HERC1: variants seen among roughly 807,000 people sequenced by gnomAD.
HERC1 encodes the protein probable E3 ubiquitin-protein ligase HERC1.
In HERC1, 160 loss-of-function variants were observed where a neutral mutation model predicts 554.3. The ratio of observed to expected loss-of-function variants is 0.29; its 90% CI spans 0.25 to 0.33. The LOEUF (loss-of-function observed/expected upper bound fraction) is 0.33, where lower values mean the gene tolerates loss of function less well. HERC1 is among the 10% of genes least tolerant of loss of function. HERC1 has a pLI of 1.00. For synonymous variants in HERC1, 2,175 were observed against 2,131.7 expected (o/e 1.02, Z -0.56); for missense variants, 4,919 against 5,918.5 (o/e 0.83, Z 5.54).
intron 34 of HERC1, among the ~76,000 whole-genome samples, chr15:63,683,473 C>A (rs115201011): frequency 1.3e-5 from 2 of 152,118 alleles, no homozygotes; most frequent in African/African-American, 4.8e-5. Context: ...CAGTGGCTAA[C>A]GAGTTCTTAT....
At chr15:63,806,165 GTTTTT>G (rs370838548) in intron 1 of HERC1, among the ~76,000 whole-genome samples, 1 of 145,328 alleles carries the variant, frequency 6.9e-6, no homozygotes, top group Admixed American at 6.9e-5. Context: ...AACACAAGTG[GTTTTT>G]TTTTTTTCTC....
At position 63,680,054 on chromosome 15, in the gene HERC1, A is replaced by G; in HGVS notation, c.6549+23T>C. On this transcript the variant is annotated intron_variant, in intron 36 of 77. Coordinates refer to ENST00000443617, the MANE Select transcript of HERC1 (RefSeq NM_003922.4). This position sits in a 1 kb window ranked among gnomAD's most constrained non-coding sequence, Gnocchi z 5.8. ...ACAATAAAATAACAAATATTCTTAA[A>G]TAAAGGTTTGAGACTTCATTACCTT... 6.8e-7 allele frequency: 1 copy of G among 1,468,588 alleles called. No homozygotes were observed. Among genetic ancestry groups the G allele is most frequent in the Non-Finnish European group, 9.5e-7 (1 of 1,054,786 alleles). 91.0% of individuals were successfully genotyped at this position (1,468,588 alleles called of 1,614,324 possible). A position where few individuals can be genotyped will look rare whatever the true frequency, so the allele number is the denominator to read the frequency against.
At chr15:63,695,618 C>A (rs1027842289) in intron 27 of HERC1, among the ~76,000 whole-genome samples, 1 of 151,164 alleles carries the variant, frequency 6.6e-6, no homozygotes, top group Non-Finnish European at 1.5e-5. Flanking sequence ...GAACTCCTGA[C>A]CTCAGGTGAT....
chr15:63,833,753 G>GCGCGCACACACACACACACACACACA (rs1340096449), intron 1 of HERC1, 74 bp downstream of exon 1: 5 of 46,492 alleles, frequency 1.1e-4, no homozygotes, highest in African/African-American at 2.8e-4. Flanking sequence ...ACGCGCGCGC[G>GCGCGCACACACACACACACACACACA]CACACACACA....
chr15:63,812,575 C>G (rs1389396304), intron 1 of HERC1, among the ~76,000 whole-genome samples: 1 of 152,162 alleles, frequency 6.6e-6, no homozygotes, highest in African/African-American at 2.4e-5. Context: ...TCCTGAGAAT[C>G]TCTCAGGTTG....
At chr15:63,814,108 T>C (rs28629845) in intron 1 of HERC1, among the ~76,000 whole-genome samples, 39,664 of 151,834 alleles carry the variant, frequency 0.26, 5,674 homozygotes, top group Middle Eastern at 0.37. Flanking sequence ...GTATTTTAAG[T>C]TATAAAACTA....
At chr15:63,738,281 G>T (rs575984723) in intron 12 of HERC1, among the ~76,000 whole-genome samples, 2 of 152,230 alleles carry the variant, frequency 1.3e-5, no homozygotes, top group South Asian at 4.1e-4. Context: ...AGGAATTGTT[G>T]CAGGACACTA....
At chr15:63,684,923 C>T (rs1329329160) in intron 34 of HERC1, among the ~76,000 whole-genome samples, 2 of 152,316 alleles carry the variant, frequency 1.3e-5, no homozygotes, top group African/African-American at 4.8e-5. Context: ...GCAGGAGAAT[C>T]GCTTGAACCC....
chr15:63,671,271 G>A (rs2070905595), intron 39 of HERC1, among the ~76,000 whole-genome samples: 2 of 151,130 alleles, frequency 1.3e-5, no homozygotes, highest in African/African-American at 4.9e-5. Context: ...TCAGGAGACT[G>A]AGGCAGGAGG....
intron 7 of HERC1, among the ~76,000 whole-genome samples, chr15:63,753,310 C>G (rs1260902723): frequency 2.0e-5 from 3 of 152,100 alleles, no homozygotes; most frequent in African/African-American, 7.2e-5. Context: ...CAATTAAAAT[C>G]AAGCAATTTA....
chr15:63,800,241 A>C (rs2076936594), intron 1 of HERC1, among the ~76,000 whole-genome samples: 1 of 152,206 alleles, frequency 6.6e-6, no homozygotes. Context: ...TCTGTTTCAA[A>C]GGGGAAGAGT....
Position 63,642,962 on chromosome 15 carries a change from A to C in HERC1, c.11428T>G (p.Ser3810Ala), listed in dbSNP as rs1323948806. 6.4e-7 allele frequency: 1 copy of C among 1,573,504 alleles called. No homozygotes were observed. Among genetic ancestry groups the C allele is most frequent in the Non-Finnish European group, 8.7e-7 (1 of 1,143,680 alleles). Residue 3810 changes from serine (S) to alanine (A), a missense_variant, in exon 59 of 78, where the codon TCA (serine) becomes GCA (alanine). By Grantham distance (99) the Ser-to-Ala change is moderately conservative. Around this residue, in one of 11 missense-constraint regions of HERC1, gnomAD observed 1,963 missense variants for 2,228.6 expected, o/e 0.88. Transcript: ENST00000443617. ...TGATATAACTACAATATTACCTTTGATCTATTTGAGCAAGCAGCTACTCCA... is the reference window on the plus strand; with the variant it reads ...TGATATAACTACAATATTACCTTTGCTCTATTTGAGCAAGCAGCTACTCCA... Reference protein sequence around the residue: ...EVGVAACSNRSKDVLVVNCTA... With the variant: ...EVGVAACSNRAKDVLVVNCTA...
Position 63,714,545 on chromosome 15 carries a change from GTTTTTTTTTTTT to G in HERC1, c.4151-892_4151-881del, listed in dbSNP as rs773905620. 5.2e-5 allele frequency among the ~76,000 whole-genome samples: 5 copies of G among 95,830 alleles called. No homozygotes were observed. In the East Asian group the frequency reaches 8.0e-4, roughly 15 times the overall value. The allele number at this position is 95,830 out of a possible 152,430, so 62.9% of individuals were successfully genotyped here. On this transcript the variant is annotated intron_variant, in intron 22 of 77. Transcript: ENST00000443617. ...GTATTCTTCTTTTTTTCCTTTTTCT[GTTTTTTTTTTTT>G]TTTTTTTTTGGAGATGGAGTCTCAC...
At chr15:63,813,475 G>C (rs1394517997) in intron 1 of HERC1, among the ~76,000 whole-genome samples, 1 of 150,832 alleles carries the variant, frequency 6.6e-6, no homozygotes, top group East Asian at 1.9e-4. Context: ...GTGCGAAAGG[G>C]TTTTTTTTTA....
At position 63,680,310 on chromosome 15, in the gene HERC1, T is replaced by A. The variant is rs1369115986; in HGVS notation, c.6466-150A>T. The A allele has an allele frequency of 1.3e-6, 1 of 754,814 alleles. No homozygotes were observed. Among genetic ancestry groups the A allele is most frequent in the Non-Finnish European group, 2.1e-6 (1 of 477,772 alleles). The allele number at this position is 754,814 out of a possible 1,614,324, so 46.8% of individuals were successfully genotyped here. ...AATTAACCTTGCTAACCGAGAAAAT[T>A]CTACATATAATAAGTGATCATAATG... On this transcript the variant is annotated intron_variant, in intron 35 of 77. Transcript: ENST00000443617. This position sits in a 1 kb window ranked among gnomAD's most constrained non-coding sequence, Gnocchi z 5.8.
At chr15:63,819,781 G>A (rs1314952378) in intron 1 of HERC1, among the ~76,000 whole-genome samples, 1 of 152,158 alleles carries the variant, frequency 6.6e-6, no homozygotes, top group Non-Finnish European at 1.5e-5. Context: ...GGCTGGCCAT[G>A]TCTATGCTCT....
chr15:63,624,846 GAGA>G (rs1397997267), intron 71 of HERC1, among the ~76,000 whole-genome samples: 1 of 152,020 alleles, frequency 6.6e-6, no homozygotes, highest in Non-Finnish European at 1.5e-5. Context: ...AGAAAATACA[GAGA>G]AGGATACACA....
At chr15:63,690,258 A>G (rs1271374469) in intron 32 of HERC1, among the ~76,000 whole-genome samples, 3 of 151,946 alleles carry the variant, frequency 2.0e-5, no homozygotes, top group African/African-American at 4.8e-5. Context: ...ACACTCCCAC[A>G]TGTTTCTTCC....
chr15:63,744,441 T>C (rs1304122537), intron 12 of HERC1, among the ~76,000 whole-genome samples: 1 of 151,762 alleles, frequency 6.6e-6, no homozygotes, highest in Non-Finnish European at 1.5e-5. Flanking sequence ...GGGAGTGAGG[T>C]CCCCCAAGCC....
Sources: allele counts gnomAD v4.1 joint callset (sites outside exome capture counted in the v4.1 genomes callset), GRCh38; gene constraint gnomAD v4.1.1; regional missense constraint gnomAD v4.1.1; non-coding constraint Gnocchi (gnomAD v3.1); transcripts MANE v1.5; gene names NCBI Gene and HGNC (gene_info 2026-07-23, HGNC 2026-07-21).